Variants in TTC3 observed in about 807,000 individuals in gnomAD.
The protein encoded by TTC3 is tetratricopeptide repeat domain 3.
Under a neutral mutation model 249.6 loss-of-function variants are expected in TTC3, and 180 were observed. The observed-to-expected ratio is 0.72, with a 90% CI of 0.64 to 0.82. TTC3 has a LOEUF of 0.82. Among genes scored for constraint, TTC3 ranks in the 40% least tolerant of loss-of-function variants. The probability of loss-of-function intolerance (pLI) is 0.00; values close to 1 mark genes in which losing one functional copy is unlikely to be tolerated. For missense variants in TTC3, 2,061 were observed against 2,398.4 expected, an observed-to-expected ratio of 0.86 and a Z score of 2.94; for synonymous variants, 717 against 805.0, an observed-to-expected ratio of 0.89 and a Z score of 1.85.
At chr21:37,117,516 T>G (rs1179852125) in intron 11 of TTC3, among the ~76,000 whole-genome samples, 1 of 152,196 alleles carries the variant, frequency 6.6e-6, no homozygotes, top group Admixed American at 6.6e-5. Flanking sequence ...TTCCAAATAC[T>G]GAAACCCAAA....
At chr21:37,105,523 A>G (rs1403688716) in intron 10 of TTC3, among the ~76,000 whole-genome samples, 6 of 152,182 alleles carry the variant, frequency 3.9e-5, no homozygotes, top group East Asian at 3.8e-4. Context: ...TTTAAAAAAA[A>G]TCTTAATACA....
At chr21:37,182,232 T>C (rs1345250004) in intron 35 of TTC3, among the ~76,000 whole-genome samples, 1 of 151,398 alleles carries the variant, frequency 6.6e-6, no homozygotes, top group Non-Finnish European at 1.5e-5. Context: ...AGCAACTACA[T>C]AGGAAGTTGA....
At chr21:37,176,765 G>T (rs969519061) in intron 35 of TTC3, among the ~76,000 whole-genome samples, 2 of 152,184 alleles carry the variant, frequency 1.3e-5, no homozygotes, top group African/African-American at 4.8e-5. Flanking sequence ...AATGGAGGTG[G>T]GAGCAGCTGA....
intron 1 of TTC3, among the ~76,000 whole-genome samples, chr21:37,073,965 G>C (rs1000389746): frequency 6.6e-6 from 1 of 152,242 alleles, no homozygotes; most frequent in Non-Finnish European, 1.5e-5. Context: ...TCTGCGCATG[G>C]GTCCTGTTGA....
At chr21:37,126,103 A>G in exon 15 of TTC3, 1 of 1,610,154 alleles carries the variant, frequency 6.2e-7, no homozygotes, top group East Asian at 2.2e-5. Flanking sequence ...CGTTGAAGGT[A>G]GATGATTGTG....
chr21:37,123,288 T>C (rs2076775063), intron 13 of TTC3, among the ~76,000 whole-genome samples: 1 of 152,176 alleles, frequency 6.6e-6, no homozygotes, highest in African/African-American at 2.4e-5. Flanking sequence ...GAAATGTTAA[T>C]TGGACATTAC....
At chr21:37,073,577 C>G in intron 1 of TTC3, 104 bp downstream of exon 1, 1 of 892,266 alleles carries the variant, frequency 1.1e-6, no homozygotes, top group Middle Eastern at 5.8e-4. Flanking sequence ...CCGCCATTGC[C>G]TACCCCAGTG....
rs2072605579 is a variant in TTC3 at position 37,087,197 on chromosome 21, G to T, written c.-11-50G>T. The T allele has an allele frequency of 4.4e-6, 7 of 1,588,450 alleles. No individual in the cohort carries two copies. The Admixed American group carries it at 1.2e-4, about 28-fold the overall frequency. On this transcript the variant is annotated intron_variant, in intron 1 of 45. Coordinates refer to ENST00000355666, the Ensembl canonical transcript of TTC3. Reference sequence around the variant, plus strand: ...ATAGAAGCCAGGAAAACTTTCTTCTGTTATCTCAAATGATTTAATTACTGA... The same window carrying T: ...ATAGAAGCCAGGAAAACTTTCTTCTTTTATCTCAAATGATTTAATTACTGA...
intron 28 of TTC3, chr21:37,157,179 G>A (rs776798013): frequency 9.5e-6 from 13 of 1,370,510 alleles, no homozygotes; most frequent in Non-Finnish European, 1.3e-5. Context: ...ACAGCATCAT[G>A]GGAAAGATTG....
At chr21:37,191,356 A>G in exon 40 of TTC3, 2 of 1,587,630 alleles carry the variant, frequency 1.3e-6, no homozygotes, top group South Asian at 1.2e-5. Flanking sequence ...ATATCCTGAC[A>G]TGGAGTCTGA....
intron 28 of TTC3, among the ~76,000 whole-genome samples, chr21:37,158,805 C>T (rs2080376838): frequency 1.3e-5 from 2 of 152,130 alleles, no homozygotes; most frequent in Non-Finnish European, 2.9e-5. Flanking sequence ...AAGAGTATAA[C>T]TTGTTTGTCA....
chr21:37,184,295 G>A (rs967419206), intron 36 of TTC3, among the ~76,000 whole-genome samples: 10 of 152,270 alleles, frequency 6.6e-5, no homozygotes, highest in Admixed American at 6.5e-4. Context: ...AAGGTAACTA[G>A]AGGCTGTTAA....
intron 44 of TTC3, 24 bp from the exon 45 acceptor site, chr21:37,200,208 A>G (rs771314768): frequency 6.2e-7 from 1 of 1,609,918 alleles, no homozygotes; most frequent in Non-Finnish European, 8.5e-7. Context: ...ATTCTTTACT[A>G]TTCAGGTGTG....
At chr21:37,077,917 T>G (rs540570420) in intron 1 of TTC3, among the ~76,000 whole-genome samples, 6 of 152,350 alleles carry the variant, frequency 3.9e-5, no homozygotes, top group Non-Finnish European at 7.4e-5. Flanking sequence ...GAACCTTTCT[T>G]GCCCTGGGCT....
intron 8 of TTC3, 23 bp from the exon 9 acceptor site, chr21:37,095,327 C>T (rs1353959544): frequency 6.5e-7 from 1 of 1,547,482 alleles, no homozygotes; most frequent in Admixed American, 1.9e-5. Flanking sequence ...ATTGATGGGT[C>T]TTCTTTCACC....
intron 34 of TTC3, among the ~76,000 whole-genome samples, chr21:37,169,861 CAAAA>C (rs1224657357): frequency 1.2e-4 from 18 of 147,780 alleles, no homozygotes; most frequent in Non-Finnish European, 2.4e-4. Context: ...AAAAAAAAAA[CAAAA>C]AACAAAACCG....
chr21:37,153,094 A>G (rs531870072), exon 27 of TTC3: 4 of 1,613,808 alleles, frequency 2.5e-6, no homozygotes, highest in East Asian at 2.2e-5. Flanking sequence ...AGTTTTGAGC[A>G]CAGAAGACTA....
intron 17 of TTC3, among the ~76,000 whole-genome samples, chr21:37,134,323 C>T (rs1050778983): frequency 2.0e-5 from 3 of 151,930 alleles, no homozygotes; most frequent in African/African-American, 7.3e-5. Flanking sequence ...TGGTGGCGTG[C>T]ACCTGTAGTC....
intron 7 of TTC3, among the ~76,000 whole-genome samples, chr21:37,093,048 A>C (rs201511250): frequency 2.0e-5 from 3 of 152,220 alleles, no homozygotes; most frequent in East Asian, 3.8e-4. Flanking sequence ...GAAATACCCC[A>C]AAATTTGAAA....
Sources: gnomAD v4.1 joint callset for allele counts (sites outside exome capture counted in the v4.1 genomes callset) on GRCh38, gnomAD v4.1.1 for gene constraint, MANE v1.5 for transcripts, NCBI Gene and HGNC (gene_info 2026-07-23, HGNC 2026-07-21) for gene names.